Variants in CNTN5 observed in about 807,000 individuals in gnomAD.
CNTN5 encodes the protein contactin 5.
Under a neutral mutation model 129.1 loss-of-function variants are expected in CNTN5, and 77 were observed. The observed-to-expected ratio is 0.60, with a 90% CI of 0.50 to 0.72. The LOEUF is 0.72. CNTN5 is among the 30% of genes least tolerant of loss of function. The pLI is 0.00. For missense variants in CNTN5, 1,478 were observed against 1,328.8 expected, an observed-to-expected ratio of 1.11 and a Z score of -1.75; for synonymous variants, 509 against 465.6, an observed-to-expected ratio of 1.09 and a Z score of -1.20.
chr11:99,988,776 A>G (rs1205823870), intron 8 of CNTN5, among the ~76,000 whole-genome samples: 1 of 151,072 alleles, frequency 6.6e-6, no homozygotes, highest in East Asian at 1.9e-4. Context: ...TAGCTTTTCC[A>G]CTCTTCAATT....
At chr11:99,663,146 CAAATTT>C (rs1952657712) in intron 3 of CNTN5, among the ~76,000 whole-genome samples, 19 of 152,008 alleles carry the variant, frequency 1.2e-4, no homozygotes, top group Admixed American at 1.2e-3. Context: ...ACTCTATAGA[CAAATTT>C]AAATATTTTA....
chr11:100,286,560 G>A (rs1318553290), intron 18 of CNTN5, among the ~76,000 whole-genome samples: 1 of 146,408 alleles, frequency 6.8e-6, no homozygotes, highest in East Asian at 2.0e-4. Context: ...CTGTTAGAAG[G>A]AAAACTAACA....
At chr11:99,667,795 C>T (rs1005046007) in intron 3 of CNTN5, among the ~76,000 whole-genome samples, 7 of 151,944 alleles carry the variant, frequency 4.6e-5, no homozygotes, top group African/African-American at 9.7e-5. Flanking sequence ...GGCTTGTTAG[C>T]GGGTGGCGAG....
intron 6 of CNTN5, among the ~76,000 whole-genome samples, chr11:99,915,400 T>C (rs987469428): frequency 3.3e-5 from 5 of 152,152 alleles, no homozygotes; most frequent in African/African-American, 1.2e-4. Flanking sequence ...TCCAATACTA[T>C]AATCCCTTTT....
intron 2 of CNTN5, among the ~76,000 whole-genome samples, chr11:99,478,080 G>A (rs1945449457): frequency 1.3e-5 from 2 of 151,474 alleles, no homozygotes. Context: ...ATTATCTATT[G>A]TGCTGTAACA....
chr11:99,854,902 A>G (rs10894018), intron 6 of CNTN5, among the ~76,000 whole-genome samples: 29,838 of 152,046 alleles, frequency 0.2, 3,176 homozygotes, highest in African/African-American at 0.27. Context: ...AGGTAGAAAG[A>G]AAGAAGCTAG....
chr11:100,217,530 T>C (rs1219504105), intron 15 of CNTN5, among the ~76,000 whole-genome samples: 1 of 152,220 alleles, frequency 6.6e-6, no homozygotes, highest in African/African-American at 2.4e-5. Flanking sequence ...TTACTAGCTA[T>C]TTACAAAGCA....
chr11:100,274,791 T>G (rs1002392617), intron 18 of CNTN5, among the ~76,000 whole-genome samples: 2 of 151,980 alleles, frequency 1.3e-5, no homozygotes, highest in African/African-American at 4.8e-5. Context: ...TTGGTGGGAG[T>G]ATAAATTAGG....
intron 13 of CNTN5, among the ~76,000 whole-genome samples, chr11:100,151,122 T>C (rs1415984397): frequency 6.6e-6 from 1 of 152,176 alleles, no homozygotes; most frequent in Non-Finnish European, 1.5e-5. Context: ...GTCTGTGGTA[T>C]TTTGTTGTAT....
chr11:100,262,603 T>C (rs541802954), intron 17 of CNTN5, among the ~76,000 whole-genome samples: 1 of 152,280 alleles, frequency 6.6e-6, no homozygotes, highest in South Asian at 2.1e-4. Context: ...TGGAATACTA[T>C]GCAGCCATAA....
chr11:100,138,738 G>A (rs924522283), intron 13 of CNTN5, among the ~76,000 whole-genome samples: 9 of 152,100 alleles, frequency 5.9e-5, no homozygotes, highest in Admixed American at 5.9e-4. Context: ...GTGTTGAGGA[G>A]GGGATCATGA....
chr11:100,068,829 G>A (rs552659444), intron 10 of CNTN5, among the ~76,000 whole-genome samples: 64 of 152,228 alleles, frequency 4.2e-4, no homozygotes, highest in African/African-American at 1.5e-3. Flanking sequence ...AGACTATATT[G>A]GCCAGAAGAC....
At chr11:99,531,989 G>A (rs1947726864) in intron 2 of CNTN5, among the ~76,000 whole-genome samples, 1 of 152,102 alleles carries the variant, frequency 6.6e-6, no homozygotes, top group South Asian at 2.1e-4. Flanking sequence ...GCTTAGTGGA[G>A]CTCTGAGAAG....
At chr11:99,767,757 G>A (rs544449395) in intron 3 of CNTN5, among the ~76,000 whole-genome samples, 2 of 152,014 alleles carry the variant, frequency 1.3e-5, no homozygotes, top group South Asian at 4.2e-4. Flanking sequence ...GCTGAGAAAG[G>A]CAGTGACGTT....
intron 21 of CNTN5, among the ~76,000 whole-genome samples, chr11:100,335,703 G>A (rs1205408519): frequency 6.6e-6 from 1 of 152,026 alleles, no homozygotes; most frequent in East Asian, 1.9e-4. Context: ...AGGAGCTGGA[G>A]GTTGCAGTGA....
At chr11:99,508,686 C>CTTTCTTTTTTTTTTTTTTTTT (rs11281160) in intron 2 of CNTN5, among the ~76,000 whole-genome samples, 2 of 146,858 alleles carry the variant, frequency 1.4e-5, no homozygotes, top group African/African-American at 2.5e-5. Flanking sequence ...TCTTTTCTTT[C>CTTTCTTTTTTTTTTTTTTTTT]TTTTTTTTTT....
intron 3 of CNTN5, among the ~76,000 whole-genome samples, chr11:99,597,672 G>T (rs1591338037): frequency 6.6e-6 from 1 of 152,114 alleles, no homozygotes; most frequent in East Asian, 1.9e-4. Flanking sequence ...TAACTCTTTT[G>T]TGTTATTATA....
chr11:99,274,241 C>T (rs1399649958), intron 1 of CNTN5, among the ~76,000 whole-genome samples: 1 of 151,810 alleles, frequency 6.6e-6, no homozygotes, highest in Non-Finnish European at 1.5e-5. Context: ...ATTACTTTCT[C>T]TTGTTTAAGA....
chr11:100,232,413 G>T (rs1442785327), intron 16 of CNTN5, among the ~76,000 whole-genome samples: 1 of 152,184 alleles, frequency 6.6e-6, no homozygotes. Context: ...TCACATATCA[G>T]TGAATTAAGA....
Sources: allele counts gnomAD v4.1 joint callset (sites outside exome capture counted in the v4.1 genomes callset), GRCh38; gene constraint gnomAD v4.1.1; transcripts MANE v1.5; gene names NCBI Gene and HGNC (gene_info 2026-07-23, HGNC 2026-07-21).